Variants in HS1BP3 observed in about 807,000 individuals in gnomAD.
The protein encoded by HS1BP3 is HCLS1-binding protein 3.
Under a neutral mutation model 33.5 loss-of-function variants are expected in HS1BP3, and 32 were observed. The ratio of observed to expected loss-of-function variants is 0.95; its 90% CI spans 0.72 to 1.28. HS1BP3 has a LOEUF of 1.28. Ranked by LOEUF, HS1BP3 falls within the 50% of genes most tolerant of loss-of-function variation. The pLI is 0.00. For missense variants in HS1BP3, 486 were observed against 502.3 expected (o/e 0.97, Z 0.31); for synonymous variants, 187 against 209.2 (o/e 0.89, Z 0.92).
chr2:20,626,668 GCCT>G (rs1694795335), intron 4 of HS1BP3, among the ~76,000 whole-genome samples: 2 of 152,162 alleles, frequency 1.3e-5, no homozygotes, highest in African/African-American at 4.8e-5. Flanking sequence ...AGGCCCATCT[GCCT>G]GGTCCTGTGC....
At chr2:20,642,601 G>T (rs1695390927) in intron 2 of HS1BP3, among the ~76,000 whole-genome samples, 1 of 152,180 alleles carries the variant, frequency 6.6e-6, no homozygotes, top group African/African-American at 2.4e-5. Flanking sequence ...CTCCCCTCAG[G>T]CTCAGACCAC....
At chr2:20,602,980 T>A (rs1338911581) in intron 2 of HS1BP3, among the ~76,000 whole-genome samples, 4 of 152,164 alleles carry the variant, frequency 2.6e-5, no homozygotes, top group Non-Finnish European at 5.9e-5. Flanking sequence ...CCAAAAAAGA[T>A]GCTCAACATC....
intron 5 of HS1BP3, among the ~76,000 whole-genome samples, chr2:20,563,829 C>A (rs1283535546): frequency 6.6e-6 from 1 of 152,258 alleles, no homozygotes; most frequent in Non-Finnish European, 1.5e-5. Context: ...ATCGACATCC[C>A]CTGAGAGCTG....
chr2:20,561,294 C>T (rs745567925), intron 5 of HS1BP3, among the ~76,000 whole-genome samples: 3 of 152,178 alleles, frequency 2.0e-5, no homozygotes, highest in Non-Finnish European at 4.4e-5. Flanking sequence ...TGAGGGTAGG[C>T]ACTGTGTCTG....
At chr2:20,575,672 C>T (rs1336113200) in intron 5 of HS1BP3, among the ~76,000 whole-genome samples, 1 of 152,222 alleles carries the variant, frequency 6.6e-6, no homozygotes, top group Non-Finnish European at 1.5e-5. Flanking sequence ...GCCTCAAGGC[C>T]CGGCATTCCT....
At chr2:20,648,348 G>A (rs557231493) in intron 1 of HS1BP3, among the ~76,000 whole-genome samples, 1 of 152,032 alleles carries the variant, frequency 6.6e-6, no homozygotes, top group East Asian at 1.9e-4. Context: ...CCAGACTTTG[G>A]TCCTCATCAT....
intron 2 of HS1BP3, among the ~76,000 whole-genome samples, chr2:20,642,145 C>T (rs961795737): frequency 6.6e-6 from 1 of 152,234 alleles, no homozygotes; most frequent in Non-Finnish European, 1.5e-5. Flanking sequence ...CTGTCTCCCC[C>T]GACTGAAGTG....
rs1409968625 is a variant in HS1BP3, at chr2:20,638,544, T to C, written c.515A>G (p.Glu172Gly). Residue 172 changes from glutamate (E) to glycine (G), a missense_variant, in exon 4 of 7, where the codon GAG becomes GGG. Transcript: ENST00000304031. The part of the protein sequence containing the change: ...NDEEAFDFFE[E>G]QDQVAEEGPP... ...ACCCTCTTCTGCCACTTGGTCTTGC[T>C]CCTCAAAAAAGTCGAAAGCCTCTTC... 1.2e-5 allele frequency: 20 copies of C among 1,614,078 alleles called. No individual in the cohort carries two copies. The Admixed American group carries it at 3.3e-4, about 27-fold the overall frequency.
intron 5 of HS1BP3, among the ~76,000 whole-genome samples, chr2:20,567,859 G>C (rs1042901427): frequency 2.6e-5 from 4 of 152,216 alleles, no homozygotes; most frequent in African/African-American, 9.7e-5. Flanking sequence ...CTTCAAGAAA[G>C]AGGAGATGAG....
chr2:20,640,725 G>T, intron 3 of HS1BP3: 2 of 607,244 alleles, frequency 3.3e-6, no homozygotes, highest in South Asian at 4.2e-5. Context: ...CCATGGATGG[G>T]GTCACACTAT....
At chr2:20,589,025 C>G (rs1480278522), downstream of HS1BP3, among the ~76,000 whole-genome samples, 1 of 152,230 alleles carries the variant, frequency 6.6e-6, no homozygotes, top group Non-Finnish European at 1.5e-5. Context: ...ACCACTAACC[C>G]AGCACTGATC....
chr2:20,581,476 A>C (rs1693531190), intron 5 of HS1BP3, among the ~76,000 whole-genome samples: 1 of 151,944 alleles, frequency 6.6e-6, no homozygotes, highest in South Asian at 2.1e-4. Context: ...CAGCCTCCCA[A>C]GTAGCTGGGA....
downstream of HS1BP3, among the ~76,000 whole-genome samples, chr2:20,616,574 T>A (rs954701729): frequency 6.6e-6 from 1 of 152,158 alleles, no homozygotes; most frequent in Non-Finnish European, 1.5e-5. Context: ...TCTTTCTACA[T>A]GGGTCTTGGC....
chr2:20,623,139 A>G (rs1370725274), intron 6 of HS1BP3: 1 of 152,200 alleles, frequency 6.6e-6, no homozygotes. Context: ...GCCTGGGGAG[A>G]ACTGGGGGGC....
intron 4 of HS1BP3, chr2:20,635,944 T>A (rs1052801353): frequency 6.6e-6 from 1 of 152,074 alleles, no homozygotes; most frequent in African/African-American, 2.4e-5. Flanking sequence ...ACTCCCACCC[T>A]CCCAGCAGCC....
At chr2:20,580,026 T>C (rs1434169071) in intron 5 of HS1BP3, among the ~76,000 whole-genome samples, 1 of 152,262 alleles carries the variant, frequency 6.6e-6, no homozygotes, top group East Asian at 1.9e-4. Context: ...TACCCTTATC[T>C]AGGGCAGAAA....
chr2:20,564,779 C>T lies in HS1BP3; in HGVS notation c.303-4264G>A, dbSNP rs147374681. ...GATTACAGGTGTGAGCCACCATGCC[C>T]GGCCCAGAAATAGCCTTTCTATTTG... is the stretch of plus-strand genomic sequence containing the variant. On this transcript the variant is annotated intron_variant, in intron 5 of 5. Coordinates refer to the HS1BP3 transcript ENST00000446825. 3.8e-3 allele frequency among the ~76,000 whole-genome samples: 582 copies of T among 152,260 alleles called. 3 individuals carry two copies. Among genetic ancestry groups the T allele is most frequent in the African/African-American group, 0.013 (555 of 41,546 alleles).
At chr2:20,634,165 C>A (rs1429062689) in intron 4 of HS1BP3, among the ~76,000 whole-genome samples, 1 of 152,272 alleles carries the variant, frequency 6.6e-6, no homozygotes, top group African/African-American at 2.4e-5. Flanking sequence ...CTTCTGGACA[C>A]GCCCTGTCCT....
At chr2:20,559,726 GGATGGATGGATGGA>G (rs1692942341), downstream of HS1BP3, among the ~76,000 whole-genome samples, 15 of 151,838 alleles carry the variant, frequency 9.9e-5, no homozygotes, top group Admixed American at 9.2e-4. Flanking sequence ...ATGGATGGAT[GGATGGATGGATGGA>G]TGGATGGATG....
Sources: allele counts gnomAD v4.1 joint callset (sites outside exome capture counted in the v4.1 genomes callset), GRCh38; gene constraint gnomAD v4.1.1; transcripts MANE v1.5; gene names NCBI Gene and HGNC (gene_info 2026-07-23, HGNC 2026-07-21).